The following GPM6A variants were observed in gnomAD, a reference collection of about 807,000 sequenced individuals.
GPM6A encodes the protein neuronal membrane glycoprotein M6-a.
Under a neutral mutation model 32.1 loss-of-function variants are expected in GPM6A, and 7 were observed. That is an observed-to-expected ratio of 0.22 (90% CI 0.12 to 0.41). The LOEUF is 0.41. Ranked by LOEUF, GPM6A falls within the 10% of genes least tolerant of loss-of-function variation. The pLI is 1.00. For missense variants in GPM6A, 235 were observed against 347.2 expected (o/e 0.68, Z 2.57); for synonymous variants, 130 against 123.4 (o/e 1.05, Z -0.35).
chr4:175,844,872 T>C (rs1451522560), intron 1 of GPM6A, among the ~76,000 whole-genome samples: 1 of 152,144 alleles, frequency 6.6e-6, no homozygotes, highest in Non-Finnish European at 1.5e-5. Flanking sequence ...AAACTCTGTT[T>C]AGACAATTGC....
intron 1 of GPM6A, among the ~76,000 whole-genome samples, chr4:175,959,013 C>A (rs1253611319): frequency 1.3e-5 from 2 of 152,044 alleles, no homozygotes; most frequent in Non-Finnish European, 2.9e-5. Context: ...TTTTAAAAAA[C>A]AGTTTCCACT....
chr4:175,668,698 C>T (rs1742888810), intron 3 of GPM6A, among the ~76,000 whole-genome samples: 1 of 152,092 alleles, frequency 6.6e-6, no homozygotes, highest in African/African-American at 2.4e-5. Context: ...TCACATCCTG[C>T]AGAGCATTCT....
At chr4:175,976,378 C>T (rs1740663828) in intron 1 of GPM6A, among the ~76,000 whole-genome samples, 1 of 147,826 alleles carries the variant, frequency 6.8e-6, no homozygotes, top group Non-Finnish European at 1.5e-5. Flanking sequence ...ATGTTAGCCA[C>T]GATGGTCTCG....
chr4:175,649,461 T>C (rs796133820), intron 4 of GPM6A, among the ~76,000 whole-genome samples: 68 of 152,336 alleles, frequency 4.5e-4, no homozygotes, highest in African/African-American at 1.6e-3. Flanking sequence ...GGGGAAATTT[T>C]AAATATTATT....
chr4:175,695,050 GT>G (rs1744501747), intron 2 of GPM6A, among the ~76,000 whole-genome samples: 1 of 152,204 alleles, frequency 6.6e-6, no homozygotes, highest in Admixed American at 6.5e-5. Flanking sequence ...TTTCCTTGTA[GT>G]GTTAAGCCTG....
At chr4:175,770,712 C>G (rs1733152982) in intron 1 of GPM6A, among the ~76,000 whole-genome samples, 1 of 152,114 alleles carries the variant, frequency 6.6e-6, no homozygotes, top group South Asian at 2.1e-4. Flanking sequence ...ATCTTGCTGC[C>G]TCATGGATGA....
At chr4:175,859,950 T>C (rs1335971729) in intron 1 of GPM6A, among the ~76,000 whole-genome samples, 2 of 152,100 alleles carry the variant, frequency 1.3e-5, no homozygotes, top group African/African-American at 4.8e-5. Context: ...AAAGGACACA[T>C]GGGTCAAAAA....
chr4:175,937,753 A>T (rs1739285384), intron 1 of GPM6A, among the ~76,000 whole-genome samples: 1 of 152,132 alleles, frequency 6.6e-6, no homozygotes, highest in South Asian at 2.1e-4. Flanking sequence ...TGTTGAATTT[A>T]AAATTAATTT....
Position 175,634,090 on chromosome 4 carries a change from T to C in GPM6A, c.*815A>G, listed in dbSNP as rs184644178. 3.0e-4 allele frequency: 46 copies of C among 152,686 alleles called. No homozygotes were observed. Among genetic ancestry groups the C allele is most frequent in the African/African-American group, 1.1e-3 (44 of 41,584 alleles). The allele number at this position is 152,686 out of a possible 1,614,324, so 9.5% of individuals were successfully genotyped here. ...TTCTTAAATCACAAAGAGATCATTCTTCAATAGTCTACAGTAGTTATTTCC... is the reference window on the plus strand; with the variant it reads ...TTCTTAAATCACAAAGAGATCATTCCTCAATAGTCTACAGTAGTTATTTCC... On this transcript the variant is annotated 3_prime_UTR_variant, in exon 7 of 7. Transcript: ENST00000393658.
At chr4:175,874,784 T>C (rs1737028832) in intron 1 of GPM6A, among the ~76,000 whole-genome samples, 1 of 151,126 alleles carries the variant, frequency 6.6e-6, no homozygotes, top group Non-Finnish European at 1.5e-5. Context: ...AGATGGAAAA[T>C]GGGAGAAGAG....
At chr4:175,792,016 A>C (rs1383132386) in intron 1 of GPM6A, among the ~76,000 whole-genome samples, 1 of 152,218 alleles carries the variant, frequency 6.6e-6, no homozygotes, top group South Asian at 2.1e-4. Context: ...AACAGTCATC[A>C]GTAAAATTAG....
At chr4:175,677,087 T>C (rs1024259669) in intron 2 of GPM6A, among the ~76,000 whole-genome samples, 1 of 152,158 alleles carries the variant, frequency 6.6e-6, no homozygotes, top group African/African-American at 2.4e-5. Context: ...TCAATGTAAT[T>C]TTAATCGTTT....
chr4:175,665,696 C>A (rs981678137), intron 3 of GPM6A, among the ~76,000 whole-genome samples: 1 of 151,178 alleles, frequency 6.6e-6, no homozygotes, highest in African/African-American at 2.4e-5. Context: ...GCCGGAGAAT[C>A]GTTTGAACCC....
At chr4:175,875,141 T>C (rs7662332) in intron 1 of GPM6A, among the ~76,000 whole-genome samples, 2 of 152,110 alleles carry the variant, frequency 1.3e-5, no homozygotes, top group Non-Finnish European at 2.9e-5. Flanking sequence ...GCAAGAATAC[T>C]ATAAGGATGG....
rs554225735 is a variant in GPM6A at position 175,715,704 on chromosome 4, T to G, written c.38-13937A>C. Among the ~76,000 whole-genome samples the G allele has an allele frequency of 5.9e-5, 9 of 151,900 alleles. No individual in the cohort carries two copies. The South Asian group carries it at 1.0e-3, about 17-fold the overall frequency. On this transcript the variant is annotated intron_variant, in intron 1 of 6. Transcript: ENST00000393658. The stretch of plus-strand genomic sequence containing the variant: ...CACTTATCACCATGCAATGTACTGT[T>G]TATCTTACTATTGACTTTTTTTTTT...
intron 1 of GPM6A, among the ~76,000 whole-genome samples, chr4:175,808,010 C>CA (rs1734765096): frequency 6.6e-6 from 1 of 152,166 alleles, no homozygotes; most frequent in South Asian, 2.1e-4. Context: ...GTCCTTAGGC[C>CA]AGTGTCTGGA....
At chr4:175,872,290 T>G (rs2111440672) in intron 1 of GPM6A, among the ~76,000 whole-genome samples, 1 of 152,326 alleles carries the variant, frequency 6.6e-6, no homozygotes, top group South Asian at 2.1e-4. Flanking sequence ...AACACTTGTC[T>G]CCACCTCCTC....
chr4:175,740,868 A>C (rs1287440968), intron 1 of GPM6A, among the ~76,000 whole-genome samples: 1 of 152,052 alleles, frequency 6.6e-6, no homozygotes, highest in Admixed American at 6.6e-5. Context: ...CAGGGCTCTG[A>C]ATGTCACCAG....
intron 1 of GPM6A, among the ~76,000 whole-genome samples, chr4:175,845,348 A>G (rs540038622): frequency 2.0e-5 from 3 of 152,088 alleles, no homozygotes; most frequent in South Asian, 2.1e-4. Flanking sequence ...TAAATTTTTT[A>G]CTTACAGGGA....
Sources: gnomAD v4.1 joint callset for allele counts (sites outside exome capture counted in the v4.1 genomes callset) on GRCh38, gnomAD v4.1.1 for gene constraint, MANE v1.5 for transcripts, NCBI Gene and HGNC (gene_info 2026-07-23, HGNC 2026-07-21) for gene names.